Variants in TPR observed in about 807,000 individuals in gnomAD.
TPR encodes translocated promoter region, nuclear basket protein, also known as nucleoprotein TPR.
Under a neutral mutation model 316.1 loss-of-function variants are expected in TPR, and 51 were observed. The ratio of observed to expected loss-of-function variants is 0.16; its 90% CI spans 0.13 to 0.20. The LOEUF (loss-of-function observed/expected upper bound fraction) is 0.20, where lower values mean the gene tolerates loss of function less well. Ranked by LOEUF, TPR falls within the 10% of genes least tolerant of loss-of-function variation. The pLI is 1.00. For synonymous variants in TPR, 981 were observed against 914.7 expected, an observed-to-expected ratio of 1.07 and a Z score of -1.31; for missense variants, 2,272 against 2,754.8, an observed-to-expected ratio of 0.82 and a Z score of 3.92.
chr1:186,329,167 CACAG>C (rs1255466496), intron 39 of TPR, among the ~76,000 whole-genome samples: 2 of 152,120 alleles, frequency 1.3e-5, no homozygotes, highest in East Asian at 1.9e-4. Context: ...ATTTTGGAGT[CACAG>C]ACAATTTTGC....
Position 186,362,291 on chromosome 1 carries a change from T to G in TPR, c.786A>C (p.Lys262Asn). Residue 262 changes from lysine (K) to asparagine (N), a missense_variant, in exon 7 of 51, where the codon AAA (lysine) becomes AAC (asparagine). Lys to Asn is a moderately conservative substitution (Grantham distance 94). Around this residue, in one of 10 missense-constraint regions of TPR, gnomAD observed 549 missense variants for 598.6 expected, o/e 0.92. Coordinates refer to ENST00000367478, the MANE Select transcript of TPR (RefSeq NM_003292.3). ...ACATTTTAATGGTCATATATACCTC[T>G]TTTAATTTGGTCAACAGATCCTCCA... is the stretch of plus-strand genomic sequence containing the variant. ...KHVEDLLTKL[K>N]EAKEQQASME... The G allele has an allele frequency of 1.9e-6, 3 of 1,611,066 alleles. No individual in the cohort carries two copies. The highest frequency in any genetic ancestry group is 1.7e-6 in the Non-Finnish European group (2 of 1,177,852).
Position 186,347,382 on chromosome 1 carries a change from T to G in TPR, c.2853A>C (p.Leu951Phe), listed in dbSNP as rs1013174578. The G allele has an allele frequency of 8.1e-6, 13 of 1,613,978 alleles. No homozygotes were observed. The highest frequency in any genetic ancestry group is 1.1e-5 in the Non-Finnish European group (13 of 1,179,988). ...TCGTACTTGTTTTGAGTCTCTCCTT[T>G]AAGTCATTCACCTGCTCTTCTGTCT... Reference protein sequence around the residue: ...LRQTEEQVNDLKERLKTSTSN... With the variant: ...LRQTEEQVNDFKERLKTSTSN... The change falls in exon 22 of 51, where the codon TTA (leucine) becomes TTC (phenylalanine). Residue 951 changes from leucine (L) to phenylalanine (F), a missense_variant. Around this residue, in one of 10 missense-constraint regions of TPR, gnomAD observed 757 missense variants for 859.8 expected, o/e 0.88. Transcript: ENST00000367478.
intron 50 of TPR, 112 bp downstream of exon 50, chr1:186,314,502 CATGTAATTATTTAAT>C: frequency 3.2e-6 from 2 of 619,864 alleles, no homozygotes; most frequent in Non-Finnish European, 5.2e-6. Flanking sequence ...ACCTGCTCAA[CATGTAATTATTTAAT>C]AAAACTTTGG....
rs888929931 is a variant in TPR at position 186,335,322 on chromosome 1, A to G, written c.4911+16T>C. ...AAGAAAAACAATTTGTTACTTAAGCAGAATTAGCTAATCACCTTATTAGAA... is the reference window on the plus strand; with the variant it reads ...AAGAAAAACAATTTGTTACTTAAGCGGAATTAGCTAATCACCTTATTAGAA... On this transcript the variant is annotated intron_variant, in intron 34 of 50. Coordinates refer to ENST00000367478, the MANE Select transcript of TPR (RefSeq NM_003292.3). The G allele has an allele frequency of 1.2e-6, 2 of 1,609,570 alleles. No individual in the cohort carries two copies. The highest frequency in any genetic ancestry group is 1.7e-6 in the Non-Finnish European group (2 of 1,178,186).
rs758338754 is a variant in TPR at position 186,351,441 on chromosome 1, G to A, written c.2499C>T (p.Thr833=). The A allele has an allele frequency of 6.2e-7, 1 of 1,609,142 alleles. No individual in the cohort carries two copies. The highest frequency in any genetic ancestry group is 2.2e-5 in the East Asian group (1 of 44,634). The stretch of plus-strand genomic sequence containing the variant: ...CTATCTGGCTACTAAGCCTTTGTTT[G>A]GTTTCTGTTTCAGATCGCTCCAGTA... ...QGILERSETE[T]KQRLSSQIEK... is the part of the protein sequence containing the mutation. The change falls in exon 20 of 51, where the codon ACC becomes ACT. Residue 833 remains threonine (T), a synonymous_variant. Transcript: ENST00000367478.
rs1267221036 is a variant in TPR at position 186,313,632 on chromosome 1, T to TGGGCA, written c.*334_*338dup. The TGGGCA allele has an allele frequency of 9.4e-7, 1 of 1,068,246 alleles. No individual in the cohort carries two copies. Among genetic ancestry groups the TGGGCA allele is most frequent in the East Asian group, 2.4e-5 (1 of 42,360 alleles). 66.2% of individuals were successfully genotyped at this position (1,068,246 alleles called of 1,614,324 possible). ...AGTCAACATAAGTTATTTTTTAGTT[T>TGGGCA]GGGCATTGTTTTCTTTTTAACTAAA... On this transcript the variant is annotated 3_prime_UTR_variant, in exon 51 of 51. Coordinates refer to ENST00000367478, the MANE Select transcript of TPR (RefSeq NM_003292.3).
In TPR at chr1:186,339,741, G is replaced by A; in HGVS notation, c.4052C>T (p.Thr1351Ile). ...HLVSQQKDPD[T>I]EEYRKLLSEK... ...AGAAAGGAGCTTCCGATATTCTTCT[G>A]TATCTGGATCTTTCTGTTGACTTAC... The change falls in exon 30 of 51, where the codon ACA (threonine) becomes ATA (isoleucine). Residue 1351 changes from threonine (T) to isoleucine (I), a missense_variant. By Grantham distance (89) the Thr-to-Ile change is moderately conservative. This residue lies in a region of TPR where 96 missense variants were observed against 134.6 expected (regional missense o/e 0.71). Transcript: ENST00000367478. 1 of 1,603,520 alleles carries A rather than the reference G, an allele frequency of 6.2e-7. No individual in the cohort carries two copies. The highest frequency in any genetic ancestry group is 1.1e-5 in the South Asian group (1 of 89,106).
chr1:186,322,595 C>T lies in TPR; in HGVS notation c.6298-9G>A. On this transcript the variant is annotated splice_polypyrimidine_tract_variant and intron_variant, in intron 43 of 50. Coordinates refer to ENST00000367478, the MANE Select transcript of TPR (RefSeq NM_003292.3). ...CGGGTCATCTGAATTCTCTGCGTGT[C>T]AAGATAAAGGAATTACATTTGCTTT... 6.2e-7 allele frequency: 1 copy of T among 1,613,768 alleles called. No homozygotes were observed. Among genetic ancestry groups the T allele is most frequent in the African/African-American group, 1.3e-5 (1 of 74,998 alleles).
chr1:186,346,404 TA>T, intron 22 of TPR, 117 bp from the exon 23 acceptor site: 3 of 1,069,906 alleles, frequency 2.8e-6, no homozygotes, highest in Non-Finnish European at 2.5e-6. Context: ...TGTTGTATAT[TA>T]AAAAAAGAAT....
chr1:186,355,643 G>C lies in TPR; in HGVS notation c.2014C>G (p.Leu672Val). 1 of 1,614,096 alleles carries C rather than the reference G, an allele frequency of 6.2e-7. No individual in the cohort carries two copies. The highest frequency in any genetic ancestry group is 1.1e-5 in the South Asian group (1 of 91,074). ...STEAIEAKAA[L>V]KQLQEIFENY... ...AAAGGTGTGATCTTTACCTGTTTAA[G>C]GGCAGCCTTAGCCTCTATAGCCTCT... is the stretch of plus-strand genomic sequence containing the variant. Residue 672 changes from leucine (L) to valine (V), a missense_variant, in exon 16 of 51, where the codon CTT (leucine) becomes GTT (valine). Leu to Val is a conservative substitution (Grantham distance 32). This residue lies in a region of TPR where 757 missense variants were observed against 859.8 expected (regional missense o/e 0.88). Transcript: ENST00000367478.
At chr1:186,316,567 A>AGTACTGTAT (rs1657619186) in intron 49 of TPR, among the ~76,000 whole-genome samples, 1 of 152,214 alleles carries the variant, frequency 6.6e-6, no homozygotes, top group Non-Finnish European at 1.5e-5. Context: ...TGAATGACCA[A>AGTACTGTAT]GTACTGTATA....
At chr1:186,358,728 A>T in intron 12 of TPR, 78 bp from the exon 13 acceptor site, 1 of 1,109,224 alleles carries the variant, frequency 9.0e-7, no homozygotes. Flanking sequence ...TACAATACTC[A>T]AACACCACCA....
rs559936243 is a variant in TPR at position 186,367,889 on chromosome 1, T to A, written c.424A>T (p.Thr142Ser). The part of the protein sequence containing the change: ...ERLSQELEYL[T>S]EDVKRLNEKL... Reference sequence around the variant, plus strand: ...AGCTACAAGCACTTCTTCATACCTGTTAAGTATTCAAGTTCTTGAGATAGT... The same window carrying A: ...AGCTACAAGCACTTCTTCATACCTGATAAGTATTCAAGTTCTTGAGATAGT... The change falls in exon 4 of 51, where the codon ACA becomes TCA. Residue 142 changes from threonine (T) to serine (S), a missense_variant. Physicochemically the swap from Thr to Ser is moderately conservative, Grantham distance 58. This residue lies in a region of TPR where 549 missense variants were observed against 598.6 expected (regional missense o/e 0.92). Transcript: ENST00000367478. 5.9e-5 allele frequency: 95 copies of A among 1,603,310 alleles called. No homozygotes were observed. In the East Asian group the frequency reaches 1.6e-3, roughly 28 times the overall value.
Position 186,375,195 on chromosome 1 carries a change from T to A in TPR, c.-167A>T. On this transcript the variant is annotated 5_prime_UTR_variant, in exon 1 of 51. Coordinates refer to ENST00000367478, the MANE Select transcript of TPR (RefSeq NM_003292.3). Reference sequence around the variant, plus strand: ...ACTCCCGCGGCGGGACCCTGGGAAATCGAGTCCACCCTCAGCGGCAGCGTT... The same window carrying A: ...ACTCCCGCGGCGGGACCCTGGGAAAACGAGTCCACCCTCAGCGGCAGCGTT... 1 of 1,525,704 alleles carries A rather than the reference T, an allele frequency of 6.6e-7. No homozygotes were observed. The highest frequency in any genetic ancestry group is 8.8e-7 in the Non-Finnish European group (1 of 1,135,116). 94.5% of individuals were successfully genotyped at this position (1,525,704 alleles called of 1,614,324 possible). A position where few individuals can be genotyped will look rare whatever the true frequency, so the allele number is the denominator to read the frequency against.
At chr1:186,335,203 A>G in intron 34 of TPR, 74 bp from the exon 35 acceptor site, 1 of 1,556,616 alleles carries the variant, frequency 6.4e-7, no homozygotes, top group Non-Finnish European at 8.7e-7. Context: ...AAAAATTGTC[A>G]TTATTGTTAA....
chr1:186,320,580 A>C (rs1448037588), intron 45 of TPR, among the ~76,000 whole-genome samples, 162 bp from the exon 46 acceptor site: 1 of 152,220 alleles, frequency 6.6e-6, no homozygotes. Flanking sequence ...CTTACTTATA[A>C]AAATCCTTTT....
intron 31 of TPR, among the ~76,000 whole-genome samples, chr1:186,337,588 GAAAT>G (rs1175056250): frequency 2.0e-5 from 3 of 151,742 alleles, no homozygotes; most frequent in African/African-American, 4.8e-5. Context: ...AATCCAACAT[GAAAT>G]AAATACATAA....
intron 1 of TPR, among the ~76,000 whole-genome samples, chr1:186,374,305 GT>G: frequency 6.6e-6 from 1 of 152,058 alleles, no homozygotes. Flanking sequence ...AAATTTTAAT[GT>G]TTTCTATCAA....
intron 39 of TPR, 60 bp from the exon 40 acceptor site, chr1:186,327,720 ATGTGAGGTATTATT>A: frequency 7.2e-7 from 1 of 1,389,602 alleles, no homozygotes; most frequent in Admixed American, 1.8e-5. Context: ...CTAAAACTAT[ATGTGAGGTATTATT>A]ATAGGTCAAA....
Sources: allele counts gnomAD v4.1 joint callset (sites outside exome capture counted in the v4.1 genomes callset), GRCh38; gene constraint gnomAD v4.1.1; regional missense constraint gnomAD v4.1.1; transcripts MANE v1.5; gene names NCBI Gene and HGNC (gene_info 2026-07-23, HGNC 2026-07-21).